Variants in CYB561 observed in about 807,000 individuals in gnomAD.
CYB561 encodes transmembrane ascorbate-dependent reductase CYB561.
In CYB561, 11 loss-of-function variants were observed where a neutral mutation model predicts 25.3. The ratio of observed to expected loss-of-function variants is 0.44; its 90% CI spans 0.27 to 0.72. The LOEUF is 0.72. Ranked by LOEUF, CYB561 falls within the 30% of genes least tolerant of loss-of-function variation. CYB561 has a pLI of 0.18. For missense variants in CYB561, 295 were observed against 334.9 expected (o/e 0.88, Z 0.93); for synonymous variants, 165 against 158.8 (o/e 1.04, Z -0.29).
chr17:63,441,830 C>A (rs1210210162), intron 1 of CYB561, among the ~76,000 whole-genome samples: 1 of 152,222 alleles, frequency 6.6e-6, no homozygotes, highest in Non-Finnish European at 1.5e-5. Flanking sequence ...GGGCGGTGCC[C>A]CCCCTCCTGT....
At chr17:63,444,053 G>A (rs906677464) in intron 1 of CYB561, among the ~76,000 whole-genome samples, 5 of 151,478 alleles carry the variant, frequency 3.3e-5, no homozygotes, top group African/African-American at 1.2e-4. Flanking sequence ...GCAAGATCTC[G>A]GGTCACCGCA....
chr17:63,445,124 T>A (rs1255009477), intron 1 of CYB561, among the ~76,000 whole-genome samples: 1 of 151,880 alleles, frequency 6.6e-6, no homozygotes, highest in African/African-American at 2.4e-5. Flanking sequence ...TGCAGTGAGC[T>A]GATATTGCCC....
rs760279093 is a variant in CYB561, at chr17:63,434,131, G to A, written c.*271C>T. 3.1e-4 allele frequency: 131 copies of A among 418,256 alleles called. No individual in the cohort carries two copies. The highest frequency in any genetic ancestry group is 4.7e-4 in the Non-Finnish European group (110 of 233,946). 25.9% of individuals were successfully genotyped at this position (418,256 alleles called of 1,614,324 possible). On this transcript the variant is annotated 3_prime_UTR_variant, in exon 6 of 6. Coordinates refer to ENST00000360793, the MANE Select transcript of CYB561 (RefSeq NM_001915.4). ...AGATCTGTGCTCTGCGACCAGGACC[G>A]AACACCCGAAGTCCTACCCAAAGCC...
chr17:63,437,965 C>A lies in CYB561; in HGVS notation c.-13-405G>T, dbSNP rs1268487131. 5.3e-6 allele frequency: 4 copies of A among 753,728 alleles called. 1 individual carries two copies. Among genetic ancestry groups the A allele is most frequent in the Non-Finnish European group, 8.1e-6 (4 of 493,754 alleles). The allele number at this position is 753,728 out of a possible 1,614,324, so 46.7% of individuals were successfully genotyped here. On this transcript the variant is annotated intron_variant, in intron 1 of 5. Coordinates refer to ENST00000360793, the MANE Select transcript of CYB561 (RefSeq NM_001915.4). ...CTGAGATGCGGCGCGGCTCCTCCCA[C>A]GGCGGCCCCGCCACCCTCCCCCGAG...
intron 1 of CYB561, chr17:63,437,978 A>G: frequency 8.9e-6 from 1 of 112,004 alleles, no homozygotes; most frequent in Admixed American, 1.2e-4. Flanking sequence ...CGGCCCCGCC[A>G]CCCTCCCCCG....
chr17:63,436,077 A>G lies in CYB561; in HGVS notation c.278T>C (p.Phe93Ser), dbSNP rs201672820. Reference sequence around the variant, plus strand: ...ACCAACCAGGGCGATGACGAGCGCAAAGATGTGCAGCAGCCCGTGCAGGAC... The same window carrying G: ...ACCAACCAGGGCGATGACGAGCGCAGAGATGTGCAGCAGCCCGTGCAGGAC... ...TKVLHGLLHI[F>S]ALVIALVGLV... The change falls in exon 3 of 6, where the codon TTT (phenylalanine) becomes TCT (serine). Residue 93 changes from phenylalanine to serine, a missense_variant. By Grantham distance (155) the Phe-to-Ser change is radical. Transcript: ENST00000360793. This position sits in a 1 kb window ranked among gnomAD's most constrained non-coding sequence, Gnocchi z 4.8. 1.9e-4 allele frequency: 300 copies of G among 1,614,080 alleles called. 1 individual carries two copies. The highest frequency in any genetic ancestry group is 2.3e-4 in the Non-Finnish European group (277 of 1,180,018).
At chr17:63,438,114 G>C in intron 1 of CYB561, 1 of 1,534,830 alleles carries the variant, frequency 6.5e-7, no homozygotes, top group Non-Finnish European at 8.7e-7. Context: ...CACGGGGACA[G>C]GCGTGACCTG....
chr17:63,433,626 A>G lies in CYB561; in HGVS notation c.*776T>C, dbSNP rs1047361511. 66 of 376,212 alleles carry G rather than the reference A, an allele frequency of 1.8e-4. 1 individual carries two copies. The highest frequency in any genetic ancestry group is 2.9e-4 in the Non-Finnish European group (62 of 212,954). The allele number at this position is 376,212 out of a possible 1,614,324, so 23.3% of individuals were successfully genotyped here. A position where few individuals can be genotyped will look rare whatever the true frequency, so the allele number is the denominator to read the frequency against. ...AGCTGAGCCGCAAGGGGGGTGCTAC[A>G]AGGAGGGAGCCCCAGCAGGAAGGGG... On this transcript the variant is annotated 3_prime_UTR_variant, in exon 6 of 6. Coordinates refer to ENST00000360793, the MANE Select transcript of CYB561 (RefSeq NM_001915.4).
Position 63,437,384 on chromosome 17 carries a change from A to G in CYB561, c.164T>C (p.Leu55Pro), listed in dbSNP as rs2049314570. The G allele has an allele frequency of 3.7e-6, 6 of 1,613,888 alleles. No homozygotes were observed. In the South Asian group the frequency reaches 4.4e-5, roughly 12 times the overall value. Reference protein sequence around the residue: ...ESDLQFNAHPLCMVIGLIFLQ... With the variant: ...ESDLQFNAHPPCMVIGLIFLQ... Reference sequence around the variant, plus strand: ...GAAGATCAGGCCTATGACCATGCAGAGGGGGTGCGCGTTGAACTGCAGGTC... The same window carrying G: ...GAAGATCAGGCCTATGACCATGCAGGGGGGGTGCGCGTTGAACTGCAGGTC... Residue 55 changes from leucine (L) to proline (P), a missense_variant, in exon 2 of 6, where the codon CTC becomes CCC. Leu to Pro is a moderately conservative substitution (Grantham distance 98, BLOSUM62 -3). Transcript: ENST00000360793.
chr17:63,438,461 GCCCGCCCCCCAC>G lies in CYB561; in HGVS notation c.-13-913_-13-902del, dbSNP rs1043339692. 5 of 342,436 alleles carry G rather than the reference GCCCGCCCCCCAC, an allele frequency of 1.5e-5. No homozygotes were observed. The African/African-American group carries it at 3.3e-4, about 23-fold the overall frequency. 21.2% of individuals were successfully genotyped at this position (342,436 alleles called of 1,614,324 possible). Reference sequence around the variant, plus strand: ...CCAGCCCCGCTCCCCCCACGCCCCCGCCCGCCCCCCACCCCGCTCCCCGCCCGGCCGCGCCTG... The same window carrying G: ...CCAGCCCCGCTCCCCCCACGCCCCCGCCCGCTCCCCGCCCGGCCGCGCCTG... On this transcript the variant is annotated intron_variant, in intron 1 of 5. Transcript: ENST00000360793.
rs1599116742 is a variant in CYB561, at chr17:63,436,401, G to C, written c.203-249C>G. Reference sequence around the variant, plus strand: ...CCCCACCCTCCAACCTCCCCCAGCTGTGCACAAAGAGGGCAGGGCCGGAGG... The same window carrying C: ...CCCCACCCTCCAACCTCCCCCAGCTCTGCACAAAGAGGGCAGGGCCGGAGG... On this transcript the variant is annotated intron_variant, in intron 2 of 5. Transcript: ENST00000360793. This position sits in a 1 kb window ranked among gnomAD's most constrained non-coding sequence, Gnocchi z 4.8. 1 of 473,096 alleles carries C rather than the reference G, an allele frequency of 2.1e-6. No individual in the cohort carries two copies. Among genetic ancestry groups the C allele is most frequent in the Non-Finnish European group, 3.8e-6 (1 of 260,314 alleles). The allele number at this position is 473,096 out of a possible 1,614,324, so 29.3% of individuals were successfully genotyped here. A position where few individuals can be genotyped will look rare whatever the true frequency, so the allele number is the denominator to read the frequency against.
intron 1 of CYB561, among the ~76,000 whole-genome samples, chr17:63,441,921 G>A (rs908525552): frequency 5.3e-5 from 8 of 152,218 alleles, no homozygotes; most frequent in African/African-American, 1.9e-4. Context: ...GGCCCTGACC[G>A]AAGGCAAGAG....
In CYB561 at chr17:63,434,150, C is replaced by A; in HGVS notation, c.*252G>T. On this transcript the variant is annotated 3_prime_UTR_variant, in exon 6 of 6. Coordinates refer to ENST00000360793, the MANE Select transcript of CYB561 (RefSeq NM_001915.4). Reference sequence around the variant, plus strand: ...AGGACCGAACACCCGAAGTCCTACCCAAAGCCTTCTGCACTGAAGGGGGCA... The same window carrying A: ...AGGACCGAACACCCGAAGTCCTACCAAAAGCCTTCTGCACTGAAGGGGGCA... 2.1e-6 allele frequency: 1 copy of A among 467,224 alleles called. No individual in the cohort carries two copies. Among genetic ancestry groups the A allele is most frequent in the Non-Finnish European group, 3.8e-6 (1 of 260,822 alleles). 28.9% of individuals were successfully genotyped at this position (467,224 alleles called of 1,614,324 possible). A position where few individuals can be genotyped will look rare whatever the true frequency, so the allele number is the denominator to read the frequency against.
At chr17:63,440,366 C>A (rs2147499262) in intron 1 of CYB561, among the ~76,000 whole-genome samples, 1 of 152,280 alleles carries the variant, frequency 6.6e-6, no homozygotes, top group East Asian at 1.9e-4. Context: ...TGCTGGCACC[C>A]CTCCCCTCAC....
intron 1 of CYB561, among the ~76,000 whole-genome samples, chr17:63,442,529 C>T (rs1196900150): frequency 6.6e-6 from 1 of 152,150 alleles, no homozygotes; most frequent in Non-Finnish European, 1.5e-5. Context: ...TGTTCTTGGG[C>T]CCTCTGTGTT....
intron 1 of CYB561, chr17:63,437,832 A>G (rs1380765675): frequency 2.5e-5 from 8 of 314,812 alleles, no homozygotes; most frequent in African/African-American, 2.5e-4. Context: ...CCACCCCGCT[A>G]GATGGGCACA....
rs943441339 is a variant in CYB561 at position 63,434,148 on chromosome 17, C to T, written c.*254G>A. 2 of 465,096 alleles carry T rather than the reference C, an allele frequency of 4.3e-6. No homozygotes were observed. Among genetic ancestry groups the T allele is most frequent in the African/African-American group, 1.9e-5 (1 of 51,738 alleles). The allele number at this position is 465,096 out of a possible 1,614,324, so 28.8% of individuals were successfully genotyped here. A position where few individuals can be genotyped will look rare whatever the true frequency, so the allele number is the denominator to read the frequency against. ...CCAGGACCGAACACCCGAAGTCCTA[C>T]CCAAAGCCTTCTGCACTGAAGGGGG... is the stretch of plus-strand genomic sequence containing the variant. On this transcript the variant is annotated 3_prime_UTR_variant, in exon 6 of 6. Transcript: ENST00000360793.
At chr17:63,437,047 G>A (rs1032372868) in intron 2 of CYB561, 6 of 469,478 alleles carry the variant, frequency 1.3e-5, no homozygotes, top group East Asian at 3.7e-5. Flanking sequence ...CCTGCAGCAG[G>A]GCCTGGCTCG....
chr17:63,438,170 G>T, intron 1 of CYB561: 2 of 1,535,686 alleles, frequency 1.3e-6, no homozygotes, highest in African/African-American at 1.4e-5. Context: ...TGCAAGGAAA[G>T]ATACCCCAAA....
Sources: allele counts gnomAD v4.1 joint callset (sites outside exome capture counted in the v4.1 genomes callset), GRCh38; gene constraint gnomAD v4.1.1; non-coding constraint Gnocchi (gnomAD v3.1); transcripts MANE v1.5; gene names NCBI Gene and HGNC (gene_info 2026-07-23, HGNC 2026-07-21).